The following CNTN4 variants were observed in gnomAD, a reference collection of about 807,000 sequenced individuals.
CNTN4 encodes the protein contactin-4.
CNTN4 carries 77 observed loss-of-function variants against 122.5 expected under a neutral mutation model. The ratio of observed to expected loss-of-function variants is 0.63; its 90% CI spans 0.52 to 0.76. The LOEUF is 0.76. CNTN4 is among the 30% of genes least tolerant of loss of function. CNTN4 has a pLI of 0.00. For synonymous variants in CNTN4, 512 were observed against 447.0 expected (o/e 1.15, Z -1.83); for missense variants, 1,256 against 1,259.1 (o/e 1.00, Z 0.04).
At chr3:2,876,685 G>T (rs1210156773) in intron 8 of CNTN4, among the ~76,000 whole-genome samples, 1 of 152,158 alleles carries the variant, frequency 6.6e-6, no homozygotes, top group Non-Finnish European at 1.5e-5. Flanking sequence ...TCTCTAAATT[G>T]CCAGTTGTTT....
chr3:2,483,542 C>T (rs2076064881), intron 3 of CNTN4, among the ~76,000 whole-genome samples: 1 of 152,140 alleles, frequency 6.6e-6, no homozygotes, highest in Admixed American at 6.5e-5. Context: ...TGTTTCCACC[C>T]AAACTTCATC....
chr3:2,480,323 T>A (rs530644513), intron 3 of CNTN4, among the ~76,000 whole-genome samples: 19 of 152,210 alleles, frequency 1.2e-4, no homozygotes, highest in Admixed American at 1.0e-3. Flanking sequence ...GAAATTAAAC[T>A]GCCTTTTCTT....
At chr3:2,600,653 A>G (rs2081000510) in intron 4 of CNTN4, among the ~76,000 whole-genome samples, 2 of 152,210 alleles carry the variant, frequency 1.3e-5, no homozygotes, top group Non-Finnish European at 2.9e-5. Context: ...TAGTGCCACA[A>G]TAAACATACG....
chr3:2,566,771 C>G (rs1361195579), intron 3 of CNTN4, among the ~76,000 whole-genome samples: 1 of 152,192 alleles, frequency 6.6e-6, no homozygotes, highest in African/African-American at 2.4e-5. Context: ...GATTAAGTGT[C>G]TTTCCCAAAG....
At chr3:2,156,612 G>C (rs2035731706) in intron 2 of CNTN4, among the ~76,000 whole-genome samples, 1 of 152,188 alleles carries the variant, frequency 6.6e-6, no homozygotes, top group South Asian at 2.1e-4. Flanking sequence ...GTTTGCATAA[G>C]TCTGTAAGAT....
intron 23 of CNTN4, among the ~76,000 whole-genome samples, chr3:3,046,801 G>A (rs1360026969): frequency 2.1e-5 from 3 of 145,162 alleles, no homozygotes; most frequent in African/African-American, 7.8e-5. Flanking sequence ...ATGTAAATGG[G>A]CTAAATGCTC....
At chr3:2,895,352 C>G (rs1031534558) in intron 10 of CNTN4, among the ~76,000 whole-genome samples, 1 of 152,324 alleles carries the variant, frequency 6.6e-6, no homozygotes, top group Non-Finnish European at 1.5e-5. Flanking sequence ...ATAACATTTA[C>G]AGGAGGCAGA....
intron 4 of CNTN4, among the ~76,000 whole-genome samples, chr3:2,663,643 G>C (rs1163004654): frequency 6.6e-6 from 1 of 152,080 alleles, no homozygotes; most frequent in Non-Finnish European, 1.5e-5. Flanking sequence ...CCACACACCA[G>C]AATTTAAAGG....
At chr3:2,264,642 C>T (rs74501978) in intron 2 of CNTN4, among the ~76,000 whole-genome samples, 1,690 of 152,092 alleles carry the variant, frequency 0.011, 26 homozygotes, top group Admixed American at 0.021. Context: ...TCCAATTTGT[C>T]TATTGTTATT....
intron 19 of CNTN4, 73 bp downstream of exon 19, chr3:3,039,076 T>C: frequency 4.5e-6 from 6 of 1,339,910 alleles, no homozygotes; most frequent in Non-Finnish European, 2.1e-6. Flanking sequence ...ATGTTAGACA[T>C]AGCTGGGAAG....
chr3:2,997,325 GTA>G (rs1471358832), intron 14 of CNTN4, among the ~76,000 whole-genome samples: 1 of 152,214 alleles, frequency 6.6e-6, no homozygotes, highest in Non-Finnish European at 1.5e-5. Flanking sequence ...ATGTCTATGT[GTA>G]TGTTTTAAAT....
At position 2,385,889 on chromosome 3, in the gene CNTN4, A is replaced by G. The variant is rs1200849786; in HGVS notation, c.-89+46656A>G. On this transcript the variant is annotated intron_variant, in intron 3 of 24. Coordinates refer to ENST00000418658, the MANE Select transcript of CNTN4 (RefSeq NM_175607.3). The surrounding 1 kb of genome is among the most constrained non-coding windows in gnomAD (Gnocchi z 4.0). Reference sequence around the variant, plus strand: ...TTTTAGCGACACAATTCAACCCATAACAATGTTCCATCAATATTTGATAAA... The same window carrying G: ...TTTTAGCGACACAATTCAACCCATAGCAATGTTCCATCAATATTTGATAAA... Among the ~76,000 whole-genome samples, 1 of 152,062 alleles carries G rather than the reference A, an allele frequency of 6.6e-6. No homozygotes were observed. The highest frequency in any genetic ancestry group is 1.5e-5 in the Non-Finnish European group (1 of 68,028).
Position 2,232,029 on chromosome 3 carries a change from A to G in CNTN4, c.-144-107149A>G, listed in dbSNP as rs563332337. Among the ~76,000 whole-genome samples the G allele has an allele frequency of 2.5e-4, 38 of 152,268 alleles. No homozygotes were observed. The South Asian group carries it at 7.9e-3, about 32-fold the overall frequency. On this transcript the variant is annotated intron_variant, in intron 2 of 24. Coordinates refer to ENST00000418658, the MANE Select transcript of CNTN4 (RefSeq NM_175607.3). ...AGAGCATTTAAATAACATGTTTTAG[A>G]TATAGATATATATAGTGCACACATG...
intron 7 of CNTN4, among the ~76,000 whole-genome samples, chr3:2,824,196 C>T (rs1222481465): frequency 6.6e-6 from 1 of 150,770 alleles, no homozygotes; most frequent in South Asian, 2.1e-4. Flanking sequence ...CGGTGACTCA[C>T]ACCTGTAATC....
chr3:2,623,938 T>G lies in CNTN4; in HGVS notation c.55+52380T>G, dbSNP rs1389370924. 2.6e-5 allele frequency among the ~76,000 whole-genome samples: 4 copies of G among 152,210 alleles called. No homozygotes were observed. The East Asian group carries it at 7.7e-4, about 29-fold the overall frequency. ...AAACCCTGTCTGTTCATTTACCATTTACTGAAATTTAGCTGTTTCTTCAAT... is the reference window on the plus strand; with the variant it reads ...AAACCCTGTCTGTTCATTTACCATTGACTGAAATTTAGCTGTTTCTTCAAT... On this transcript the variant is annotated intron_variant, in intron 4 of 24. Transcript: ENST00000418658.
chr3:2,630,877 A>G (rs965333057), intron 4 of CNTN4, among the ~76,000 whole-genome samples: 10 of 152,162 alleles, frequency 6.6e-5, no homozygotes, highest in African/African-American at 2.2e-4. Flanking sequence ...GAAGACAGGC[A>G]TTGTCTGTAC....
At chr3:2,615,229 C>G (rs981305124) in intron 4 of CNTN4, among the ~76,000 whole-genome samples, 3 of 152,160 alleles carry the variant, frequency 2.0e-5, no homozygotes, top group Admixed American at 2.0e-4. Context: ...ACAAAGCAAG[C>G]ATTACAGCCA....
intron 3 of CNTN4, among the ~76,000 whole-genome samples, chr3:2,366,497 G>A (rs1323247282): frequency 6.6e-6 from 1 of 152,110 alleles, no homozygotes; most frequent in African/African-American, 2.4e-5. Flanking sequence ...GGAGGCCGAG[G>A]TGGGCGGATC....
chr3:2,216,101 C>T lies in CNTN4; in HGVS notation c.-145+115462C>T, dbSNP rs576891440. ...ACATGCACACGAATGTTCACTGCAG[C>T]ACTCTTCACAATAGCAAAGACATGG... On this transcript the variant is annotated intron_variant, in intron 2 of 24. Transcript: ENST00000418658. Among the ~76,000 whole-genome samples the T allele has an allele frequency of 9.3e-4, 141 of 152,226 alleles. 1 individual carries two copies. Among genetic ancestry groups the T allele is most frequent in the Middle Eastern group, 3.4e-3 (1 of 294 alleles).
Sources: gnomAD v4.1 joint callset for allele counts (sites outside exome capture counted in the v4.1 genomes callset) on GRCh38, gnomAD v4.1.1 for gene constraint, Gnocchi (gnomAD v3.1) non-coding constraint, MANE v1.5 for transcripts, NCBI Gene and HGNC (gene_info 2026-07-23, HGNC 2026-07-21) for gene names.